Variants in TCERG1L observed in about 807,000 individuals in gnomAD.
TCERG1L encodes transcription elongation regulator 1 like.
In TCERG1L, 37 loss-of-function variants were observed where a neutral mutation model predicts 56.3. The ratio of observed to expected loss-of-function variants is 0.66; its 90% CI spans 0.51 to 0.87. The LOEUF is 0.87. Ranked by LOEUF, TCERG1L falls within the 40% of genes least tolerant of loss-of-function variation. TCERG1L has a pLI of 0.00. For missense variants in TCERG1L, 799 were observed against 774.2 expected, an observed-to-expected ratio of 1.03 and a Z score of -0.38; for synonymous variants, 324 against 326.3, an observed-to-expected ratio of 0.99 and a Z score of 0.08.
At chr10:131,203,444 G>A (rs1309475868) in intron 4 of TCERG1L, among the ~76,000 whole-genome samples, 1 of 152,090 alleles carries the variant, frequency 6.6e-6, no homozygotes, top group Admixed American at 6.6e-5. Context: ...ACAGCAAACT[G>A]CCTCTGGTAG....
chr10:131,110,767 G>A (rs1845404008), intron 9 of TCERG1L, among the ~76,000 whole-genome samples: 1 of 152,206 alleles, frequency 6.6e-6, no homozygotes, highest in South Asian at 2.1e-4. Flanking sequence ...CATTGTTCCA[G>A]TGGACGCGTC....
At position 131,268,932 on chromosome 10, in the gene TCERG1L, C is replaced by T. The variant is rs1302214156; in HGVS notation, c.671-8488G>A. ...CCACATCAGCAGTGAGGCTGTTTCA[C>T]TTTATCTTTTTATTGTTGTTGTTCA... On this transcript the variant is annotated intron_variant, in intron 3 of 11. Coordinates refer to ENST00000368642, the MANE Select transcript of TCERG1L (RefSeq NM_174937.4). 2.0e-5 allele frequency among the ~76,000 whole-genome samples: 3 copies of T among 152,222 alleles called. No homozygotes were observed. The East Asian group carries it at 5.8e-4, about 29-fold the overall frequency.
chr10:131,191,675 A>C (rs1224944728), intron 4 of TCERG1L, among the ~76,000 whole-genome samples: 4 of 141,612 alleles, frequency 2.8e-5, no homozygotes, highest in South Asian at 2.2e-4. Flanking sequence ...ACTGGATCCC[A>C]TTTCTCACCA....
intron 4 of TCERG1L, among the ~76,000 whole-genome samples, chr10:131,256,155 G>A (rs1487840056): frequency 6.6e-6 from 1 of 152,202 alleles, no homozygotes; most frequent in East Asian, 1.9e-4. Context: ...TATAGAGGAG[G>A]AGGAAACAAT....
chr10:131,286,034 T>C (rs1024173228), intron 3 of TCERG1L, among the ~76,000 whole-genome samples: 1 of 152,168 alleles, frequency 6.6e-6, no homozygotes, highest in Admixed American at 6.5e-5. Flanking sequence ...ATAATCAATA[T>C]AAAAATAATA....
chr10:131,194,717 C>A (rs1204742896), intron 4 of TCERG1L, among the ~76,000 whole-genome samples: 2 of 152,102 alleles, frequency 1.3e-5, no homozygotes, highest in African/African-American at 2.4e-5. Flanking sequence ...GGAGAAGGGG[C>A]GAGATGTGTA....
chr10:131,110,432 G>T (rs1002448244), intron 9 of TCERG1L, among the ~76,000 whole-genome samples: 1 of 152,160 alleles, frequency 6.6e-6, no homozygotes, highest in Non-Finnish European at 1.5e-5. Flanking sequence ...AGCATTAAGG[G>T]GGCAGCTTCT....
At chr10:131,262,268 G>T (rs530258288) in intron 3 of TCERG1L, among the ~76,000 whole-genome samples, 15 of 152,282 alleles carry the variant, frequency 9.9e-5, no homozygotes, top group South Asian at 4.1e-4. Context: ...ATCGCTTCCA[G>T]ATGGGCTCAG....
At chr10:131,240,209 GGGC>G (rs1349273370) in intron 4 of TCERG1L, among the ~76,000 whole-genome samples, 1 of 152,096 alleles carries the variant, frequency 6.6e-6, no homozygotes, top group East Asian at 1.9e-4. Flanking sequence ...GCCCAGTTCT[GGGC>G]ATTAAATGTG....
intron 4 of TCERG1L, among the ~76,000 whole-genome samples, chr10:131,241,021 C>T (rs145170705): frequency 9.2e-5 from 14 of 152,296 alleles, no homozygotes; most frequent in East Asian, 1.9e-4. Context: ...GTCTATGAGG[C>T]GGCAGTGAGA....
rs542747145 is a variant in TCERG1L, at chr10:131,295,518, C to T, written c.670+12693G>A. On this transcript the variant is annotated intron_variant, in intron 3 of 11. Coordinates refer to ENST00000368642, the MANE Select transcript of TCERG1L (RefSeq NM_174937.4). Reference sequence around the variant, plus strand: ...CATTCTAATAAGTATGTAGGGACTCCGATCATGGATTCAACTTGCATTTTG... The same window carrying T: ...CATTCTAATAAGTATGTAGGGACTCTGATCATGGATTCAACTTGCATTTTG... Among the ~76,000 whole-genome samples, 10 of 152,260 alleles carry T rather than the reference C, an allele frequency of 6.6e-5. No homozygotes were observed. The South Asian group carries it at 1.5e-3, about 22-fold the overall frequency.
intron 4 of TCERG1L, among the ~76,000 whole-genome samples, chr10:131,201,046 T>A (rs1472929247): frequency 6.6e-6 from 1 of 152,204 alleles, no homozygotes; most frequent in Non-Finnish European, 1.5e-5. Context: ...GCAGCTTTTG[T>A]GGTCTCATGA....
chr10:131,120,993 G>A (rs1433433750), intron 8 of TCERG1L, among the ~76,000 whole-genome samples: 1 of 152,242 alleles, frequency 6.6e-6, no homozygotes, highest in Admixed American at 6.5e-5. Flanking sequence ...CGAAGCCTCA[G>A]CTGCCACAGG....
At chr10:131,105,595 G>T (rs58550564) in intron 9 of TCERG1L, among the ~76,000 whole-genome samples, 4 of 151,166 alleles carry the variant, frequency 2.6e-5, no homozygotes, top group African/African-American at 9.7e-5. Flanking sequence ...TGGAATACTC[G>T]TTCATGCCTC....
At chr10:131,105,783 G>A (rs1589775627) in intron 9 of TCERG1L, among the ~76,000 whole-genome samples, 1 of 152,184 alleles carries the variant, frequency 6.6e-6, no homozygotes, top group East Asian at 1.9e-4. Context: ...TATTGCTACG[G>A]ACTCATGGAT....
chr10:131,284,720 A>G (rs992405659), intron 3 of TCERG1L, among the ~76,000 whole-genome samples: 1 of 152,142 alleles, frequency 6.6e-6, no homozygotes, highest in African/African-American at 2.4e-5. Flanking sequence ...AACTATTATT[A>G]TAGCATATTA....
At chr10:131,147,622 C>A (rs1468260114) in intron 6 of TCERG1L, among the ~76,000 whole-genome samples, 11 of 152,278 alleles carry the variant, frequency 7.2e-5, no homozygotes, top group Admixed American at 7.2e-4. Flanking sequence ...GCCCCCTCCC[C>A]TCTCTGGGCC....
At chr10:131,310,300 T>C (rs1846871805) in intron 1 of TCERG1L, among the ~76,000 whole-genome samples, 1 of 152,180 alleles carries the variant, frequency 6.6e-6, no homozygotes, top group African/African-American at 2.4e-5. Context: ...CAACGTTTCT[T>C]GAATAAAATC....
intron 4 of TCERG1L, among the ~76,000 whole-genome samples, chr10:131,169,912 A>AT (rs1181626031): frequency 1.3e-5 from 2 of 148,896 alleles, no homozygotes; most frequent in East Asian, 3.9e-4. Flanking sequence ...ATATTAAGAT[A>AT]TTTTTCATAT....
Sources: gnomAD v4.1 joint callset for allele counts (sites outside exome capture counted in the v4.1 genomes callset) on GRCh38, gnomAD v4.1.1 for gene constraint, MANE v1.5 for transcripts, NCBI Gene and HGNC (gene_info 2026-07-23, HGNC 2026-07-21) for gene names.